Variants in CRISPLD2 observed in about 807,000 individuals in gnomAD.
The protein encoded by CRISPLD2 is cysteine-rich secretory protein LCCL domain-containing 2.
A neutral mutation model predicts 71.1 loss-of-function variants in CRISPLD2; 47 were observed. That is an observed-to-expected ratio of 0.66 (90% confidence interval 0.52 to 0.84). The LOEUF (loss-of-function observed/expected upper bound fraction) is 0.84, where lower values mean the gene tolerates loss of function less well. Among genes scored for constraint, CRISPLD2 ranks in the 40% least tolerant of loss-of-function variants. CRISPLD2 has a pLI of 0.00. For synonymous variants in CRISPLD2, 317 were observed against 250.1 expected (o/e 1.27, Z -2.52); for missense variants, 830 against 651.1 (o/e 1.27, Z -2.99).
Position 84,850,202 on chromosome 16 carries a change from T to C in CRISPLD2, c.493-366T>C, listed in dbSNP as rs553812121. ...GCCTCCTGGGTTCAAGCGATTCGCC[T>C]GCCTCAGCCTCCTGAGTAGCTGGGA... On this transcript the variant is annotated intron_variant, in intron 4 of 14. Transcript: ENST00000262424. Among the ~76,000 whole-genome samples, 327 of 151,908 alleles carry C rather than the reference T, an allele frequency of 2.2e-3. 3 individuals carry two copies. The highest frequency in any genetic ancestry group is 7.7e-3 in the African/African-American group (320 of 41,410).
intron 1 of CRISPLD2, among the ~76,000 whole-genome samples, chr16:84,827,707 C>T (rs1314063140): frequency 6.6e-6 from 1 of 152,118 alleles, no homozygotes. Flanking sequence ...GCTGGGACTA[C>T]AGGCATGTGC....
rs189034259 is a variant in CRISPLD2, at chr16:84,896,380, A to G, written c.1439+7017A>G. Among the ~76,000 whole-genome samples the G allele has an allele frequency of 1.2e-3, 179 of 152,140 alleles. 1 individual carries two copies. Among genetic ancestry groups the G allele is most frequent in the Admixed American group, 2.9e-3 (44 of 15,282 alleles). ...GGAATCCTTTAAAAAAAAAGACTAT[A>G]TATAGAGAGAGACACACACACACAG... On this transcript the variant is annotated intron_variant, in intron 14 of 14. Transcript: ENST00000262424.
intron 3 of CRISPLD2, among the ~76,000 whole-genome samples, chr16:84,846,501 A>C (rs1452908702): frequency 6.6e-6 from 1 of 152,020 alleles, no homozygotes; most frequent in Non-Finnish European, 1.5e-5. Flanking sequence ...TGATCCACCC[A>C]CGTTGGCCTC....
At chr16:84,866,239 G>GTTTTTTTTT in intron 6 of CRISPLD2, among the ~76,000 whole-genome samples, 1 of 148,348 alleles carries the variant, frequency 6.7e-6, no homozygotes, top group Admixed American at 6.7e-5. Flanking sequence ...TTGTTTTTTG[G>GTTTTTTTTT]TTTTTTTTTT....
At chr16:84,875,089 A>C (rs2071506183) in intron 11 of CRISPLD2, among the ~76,000 whole-genome samples, 1 of 152,070 alleles carries the variant, frequency 6.6e-6, no homozygotes, top group African/African-American at 2.4e-5. Context: ...AAAAACACAC[A>C]AAATTAGCTG....
At chr16:84,883,653 A>T (rs534253970) in intron 13 of CRISPLD2, among the ~76,000 whole-genome samples, 1 of 152,264 alleles carries the variant, frequency 6.6e-6, no homozygotes, top group South Asian at 2.1e-4. Context: ...CTGCATTCCA[A>T]CAAGTTCCCA....
At chr16:84,905,867 A>C (rs2071797603) in intron 14 of CRISPLD2, among the ~76,000 whole-genome samples, 2 of 151,026 alleles carry the variant, frequency 1.3e-5, no homozygotes, top group African/African-American at 4.9e-5. Context: ...CTGCCACCAC[A>C]TCCGGCTAAT....
intron 14 of CRISPLD2, among the ~76,000 whole-genome samples, chr16:84,902,400 G>A (rs2143389280): frequency 1.3e-5 from 2 of 151,772 alleles, no homozygotes; most frequent in South Asian, 4.2e-4. Context: ...GCAAGGTCAG[G>A]ACATCGAGAC....
chr16:84,855,031 G>C (rs1917199367), intron 6 of CRISPLD2, among the ~76,000 whole-genome samples: 1 of 152,170 alleles, frequency 6.6e-6, no homozygotes, highest in Admixed American at 6.5e-5. Context: ...GGCCCCTGGA[G>C]AGCCCCACTG....
chr16:84,853,748 C>T (rs998040232), intron 5 of CRISPLD2, among the ~76,000 whole-genome samples: 18 of 152,264 alleles, frequency 1.2e-4, no homozygotes, highest in African/African-American at 3.9e-4. Flanking sequence ...GCACAGCCTT[C>T]CCCGTGAGTC....
intron 2 of CRISPLD2, among the ~76,000 whole-genome samples, chr16:84,844,749 A>G (rs551216123): frequency 6.6e-6 from 1 of 152,254 alleles, no homozygotes; most frequent in East Asian, 1.9e-4. Context: ...GCGGGTGGCC[A>G]GTGAGAGTCT....
rs1162907615 is a variant in CRISPLD2 at position 84,849,461 on chromosome 16, T to C, written c.436T>C (p.Cys146Arg). ...CTACACCTACCCCTACCCGAGCGAG[T>C]GCAACCCCTGGTGTCCAGAGAGGTG... ...KDYTYPYPSECNPWCPERCSG... is the reference protein window; with the variant it reads ...KDYTYPYPSERNPWCPERCSG... The change falls in exon 4 of 15, where the codon TGC becomes CGC. Residue 146 changes from cysteine (C) to arginine (R), a missense_variant. Physicochemically the swap from Cys to Arg is radical, Grantham distance 180. Coordinates refer to ENST00000262424, the MANE Select transcript of CRISPLD2 (RefSeq NM_031476.4). 1 of 1,614,084 alleles carries C rather than the reference T, an allele frequency of 6.2e-7. No individual in the cohort carries two copies. Among genetic ancestry groups the C allele is most frequent in the Non-Finnish European group, 8.5e-7 (1 of 1,179,970 alleles).
At chr16:84,844,444 C>A (rs1038783320) in intron 2 of CRISPLD2, among the ~76,000 whole-genome samples, 1 of 152,180 alleles carries the variant, frequency 6.6e-6, no homozygotes, top group African/African-American at 2.4e-5. Context: ...CAACCATCCC[C>A]GCCATCCATC....
chr16:84,901,540 C>T (rs182579411), intron 14 of CRISPLD2, among the ~76,000 whole-genome samples: 109 of 147,576 alleles, frequency 7.4e-4, no homozygotes, highest in African/African-American at 2.6e-3. Context: ...GGTGTGATCT[C>T]GGCTCATTGC....
intron 1 of CRISPLD2, chr16:84,828,916 C>A (rs890490193): frequency 1.1e-4 from 16 of 151,818 alleles, no homozygotes; most frequent in Non-Finnish European, 2.9e-5. Context: ...AAGAATATAT[C>A]TTTTGTTAAT....
intron 5 of CRISPLD2, among the ~76,000 whole-genome samples, chr16:84,854,014 C>T (rs1195160444): frequency 1.3e-5 from 2 of 152,228 alleles, no homozygotes; most frequent in Admixed American, 6.5e-5. Flanking sequence ...CTCCAGTTTT[C>T]CTGCCCCTGG....
intron 1 of CRISPLD2, among the ~76,000 whole-genome samples, chr16:84,828,704 T>G (rs1916414871): frequency 6.6e-6 from 1 of 152,186 alleles, no homozygotes; most frequent in Non-Finnish European, 1.5e-5. Context: ...TTTTCTTATA[T>G]ATCACCTTGG....
At chr16:84,888,412 T>C (rs1051817182) in intron 13 of CRISPLD2, among the ~76,000 whole-genome samples, 1 of 152,254 alleles carries the variant, frequency 6.6e-6, no homozygotes, top group Admixed American at 6.5e-5. Context: ...GGTACACAAC[T>C]GTAGTCCCAG....
chr16:84,882,028 T>G (rs1349900980), intron 13 of CRISPLD2, among the ~76,000 whole-genome samples: 1 of 152,132 alleles, frequency 6.6e-6, no homozygotes, highest in Non-Finnish European at 1.5e-5. Context: ...GTTATAAGAG[T>G]TAGAATTTTT....
Sources: gnomAD v4.1 joint callset for allele counts (sites outside exome capture counted in the v4.1 genomes callset) on GRCh38, gnomAD v4.1.1 for gene constraint, MANE v1.5 for transcripts, NCBI Gene and HGNC (gene_info 2026-07-23, HGNC 2026-07-21) for gene names.